The following ADAMTS3 variants were observed in gnomAD, a reference collection of about 807,000 sequenced individuals.
ADAMTS3 encodes ADAM metallopeptidase with thrombospondin type 1 motif 3, also known as A disintegrin and metalloproteinase with thrombospondin motifs 3.
ADAMTS3 carries 73 observed loss-of-function variants against 129.0 expected under a neutral mutation model. The ratio of observed to expected loss-of-function variants is 0.57; its 90% CI spans 0.47 to 0.69. ADAMTS3 has a LOEUF of 0.69. Among genes scored for constraint, ADAMTS3 ranks in the 30% least tolerant of loss-of-function variants. The probability of loss-of-function intolerance (pLI) is 0.00; values close to 1 mark genes in which losing one functional copy is unlikely to be tolerated. For missense variants in ADAMTS3, 1,457 were observed against 1,514.5 expected, an observed-to-expected ratio of 0.96 and a Z score of 0.63; for synonymous variants, 477 against 510.8, an observed-to-expected ratio of 0.93 and a Z score of 0.89.
At chr4:72,319,795 T>C in intron 8 of ADAMTS3, 63 bp downstream of exon 8, 3 of 1,333,676 alleles carry the variant, frequency 2.2e-6, no homozygotes, top group Admixed American at 1.8e-5. Context: ...GAGGAAACAA[T>C]ACTGGGAGAA....
At chr4:72,480,410 T>A (rs995602863) in intron 3 of ADAMTS3, among the ~76,000 whole-genome samples, 1 of 151,984 alleles carries the variant, frequency 6.6e-6, no homozygotes, top group East Asian at 1.9e-4. Context: ...ATGGATGAAA[T>A]TGGAAATCAT....
chr4:72,298,724 T>C (rs994734559), intron 17 of ADAMTS3, among the ~76,000 whole-genome samples: 2 of 151,894 alleles, frequency 1.3e-5, no homozygotes, highest in Non-Finnish European at 2.9e-5. Context: ...AGGTTCACTG[T>C]AGGTTTCCTT....
At chr4:72,567,430 GAA>G in intron 1 of ADAMTS3, 29 bp from the exon 2 acceptor site, 1 of 1,610,058 alleles carries the variant, frequency 6.2e-7, no homozygotes, top group Non-Finnish European at 8.5e-7. Context: ...GCAAGAAAAA[GAA>G]AGTTACTGGG....
chr4:72,455,902 TATAC>T, intron 3 of ADAMTS3, among the ~76,000 whole-genome samples: 1 of 111,306 alleles, frequency 9.0e-6, no homozygotes, highest in African/African-American at 4.0e-5. Flanking sequence ...ATATATAGTA[TATAC>T]ACTGTATATA....
At chr4:72,558,681 T>A (rs2109802629) in intron 2 of ADAMTS3, among the ~76,000 whole-genome samples, 1 of 151,836 alleles carries the variant, frequency 6.6e-6, no homozygotes, top group East Asian at 1.9e-4. Flanking sequence ...CTATTGCATT[T>A]GAGGTATTAC....
intron 3 of ADAMTS3, among the ~76,000 whole-genome samples, chr4:72,529,940 AT>A (rs1265304795): frequency 3.7e-5 from 2 of 54,200 alleles, no homozygotes; most frequent in African/African-American, 7.5e-5. Flanking sequence ...AATATATTAT[AT>A]TTATATATAA....
chr4:72,501,115 T>C (rs936817537), intron 3 of ADAMTS3, among the ~76,000 whole-genome samples: 1 of 152,208 alleles, frequency 6.6e-6, no homozygotes. Flanking sequence ...TGTTTCTATA[T>C]GAATTTTAAA....
At chr4:72,320,522 G>T (rs925395678) in intron 7 of ADAMTS3, among the ~76,000 whole-genome samples, 192 bp downstream of exon 7, 2 of 152,150 alleles carry the variant, frequency 1.3e-5, no homozygotes, top group Non-Finnish European at 2.9e-5. Flanking sequence ...ATTTACGATG[G>T]TATTTAAGTG....
chr4:72,392,156 G>A (rs1721611162), intron 4 of ADAMTS3, among the ~76,000 whole-genome samples: 1 of 152,090 alleles, frequency 6.6e-6, no homozygotes, highest in African/African-American at 2.4e-5. Context: ...GCAGAATGAG[G>A]ACCAGAACTC....
chr4:72,523,143 A>T (rs1173742756), intron 3 of ADAMTS3, among the ~76,000 whole-genome samples: 3 of 152,042 alleles, frequency 2.0e-5, no homozygotes, highest in African/African-American at 7.2e-5. Flanking sequence ...GGTAAATATA[A>T]AAAAAAGAAA....
At chr4:72,567,877 C>T (rs1485472046) in intron 1 of ADAMTS3, 1 of 157,930 alleles carries the variant, frequency 6.3e-6, no homozygotes, top group Non-Finnish European at 1.4e-5. Flanking sequence ...CCCAAAGTCC[C>T]ATCGGCCCAG....
chr4:72,568,735 C>A lies in ADAMTS3; in HGVS notation c.28G>T (p.Ala10Ser). The A allele has an allele frequency of 5.0e-6, 8 of 1,613,836 alleles. No homozygotes were observed. The highest frequency in any genetic ancestry group is 6.8e-6 in the Non-Finnish European group (8 of 1,179,968). Residue 10 changes from alanine (A) to serine (S), a missense_variant, in exon 1 of 22, where the codon GCA becomes TCA. Coordinates refer to ENST00000286657, the MANE Select transcript of ADAMTS3 (RefSeq NM_014243.3). Reference protein sequence around the residue: MVLLSLWLIAAALVEVRTSA... With the variant: MVLLSLWLISAALVEVRTSA... ...GTCCTAACCTCTACCAGAGCGGCTG[C>A]TATCAACCAAAGTGACAGGAGAACC...
chr4:72,390,802 A>G (rs1721572586), intron 4 of ADAMTS3, among the ~76,000 whole-genome samples: 4 of 152,134 alleles, frequency 2.6e-5, no homozygotes. Flanking sequence ...TATTTTAAAA[A>G]CAAAAATAAA....
chr4:72,326,338 T>G, intron 5 of ADAMTS3, among the ~76,000 whole-genome samples: 1 of 152,138 alleles, frequency 6.6e-6, no homozygotes, highest in East Asian at 1.9e-4. Context: ...TATTATTCAC[T>G]TCCAAAATAT....
chr4:72,440,533 T>TC (rs1335948135), intron 3 of ADAMTS3, among the ~76,000 whole-genome samples: 1 of 151,788 alleles, frequency 6.6e-6, no homozygotes, highest in Non-Finnish European at 1.5e-5. Context: ...CAAAACCACT[T>TC]CATCTCTTGC....
chr4:72,345,464 A>C (rs1720256365), intron 4 of ADAMTS3, among the ~76,000 whole-genome samples: 1 of 152,172 alleles, frequency 6.6e-6, no homozygotes, highest in Non-Finnish European at 1.5e-5. Flanking sequence ...GGATACAGTA[A>C]CAGCATCTCC....
chr4:72,539,371 T>G, intron 3 of ADAMTS3, among the ~76,000 whole-genome samples: 1 of 147,992 alleles, frequency 6.8e-6, no homozygotes, highest in African/African-American at 2.5e-5. Context: ...CCAAAGAAAA[T>G]ATACAAGTGG....
At chr4:72,463,967 G>A (rs988999969) in intron 3 of ADAMTS3, among the ~76,000 whole-genome samples, 4 of 151,878 alleles carry the variant, frequency 2.6e-5, no homozygotes, top group Non-Finnish European at 4.4e-5. Flanking sequence ...CTTGGCTAAA[G>A]GGGCGCCCAT....
chr4:72,547,031 C>T (rs1163213141), intron 3 of ADAMTS3, among the ~76,000 whole-genome samples: 1 of 152,140 alleles, frequency 6.6e-6, no homozygotes, highest in Non-Finnish European at 1.5e-5. Context: ...GCAGAGGGAA[C>T]CATGAGCATC....
Sources: allele counts gnomAD v4.1 joint callset (sites outside exome capture counted in the v4.1 genomes callset), GRCh38; gene constraint gnomAD v4.1.1; transcripts MANE v1.5; gene names NCBI Gene and HGNC (gene_info 2026-07-23, HGNC 2026-07-21).